ANP32A: variants seen among roughly 807,000 people sequenced by gnomAD.
ANP32A encodes the protein acidic leucine-rich nuclear phosphoprotein 32 family member A.
A neutral mutation model predicts 33.9 loss-of-function variants in ANP32A; 1 was observed. That is an observed-to-expected ratio of 0.03 (90% CI 0.01 to 0.14). The LOEUF (loss-of-function observed/expected upper bound fraction) is 0.14. Among genes scored for constraint, ANP32A ranks in the 10% least tolerant of loss-of-function variants. ANP32A has a pLI of 1.00. For missense variants in ANP32A, 155 were observed against 306.0 expected, an observed-to-expected ratio of 0.51 and a Z score of 3.68; for synonymous variants, 115 against 120.5, an observed-to-expected ratio of 0.95 and a Z score of 0.30.
chr15:68,785,061 T>G (rs1272054965), intron 3 of ANP32A, among the ~76,000 whole-genome samples: 1 of 152,232 alleles, frequency 6.6e-6, no homozygotes, highest in Admixed American at 6.5e-5. Flanking sequence ...TGGCACTTCA[T>G]GTACTGAGTC....
chr15:68,813,908 C>T (rs561404426), intron 1 of ANP32A, among the ~76,000 whole-genome samples: 58 of 100,528 alleles, frequency 5.8e-4, no homozygotes, highest in Middle Eastern at 0.023. Flanking sequence ...CTCGCTTTGT[C>T]CCCCAGGCCG....
At chr15:68,815,932 T>C (rs1894374196) in intron 1 of ANP32A, among the ~76,000 whole-genome samples, 1 of 152,210 alleles carries the variant, frequency 6.6e-6, no homozygotes, top group East Asian at 1.9e-4. Flanking sequence ...GCCAGTTATG[T>C]TGAGTTTTTT....
intron 3 of ANP32A, among the ~76,000 whole-genome samples, chr15:68,786,688 C>T (rs538876477): frequency 6.6e-6 from 1 of 152,292 alleles, no homozygotes; most frequent in Admixed American, 6.5e-5. Flanking sequence ...CAAAGGAATA[C>T]AGCGAATCAG....
chr15:68,809,217 G>A (rs1260153605), intron 1 of ANP32A, among the ~76,000 whole-genome samples: 3 of 152,104 alleles, frequency 2.0e-5, no homozygotes, highest in South Asian at 2.1e-4. Context: ...CAAGGATCTC[G>A]GGCAAGCTAG....
chr15:68,785,980 T>C (rs962584797), intron 3 of ANP32A, among the ~76,000 whole-genome samples: 6 of 152,208 alleles, frequency 3.9e-5, no homozygotes, highest in African/African-American at 1.4e-4. Flanking sequence ...AAGCACATTC[T>C]ACTAGTTGGC....
At chr15:68,799,059 G>A (rs1344269215) in intron 1 of ANP32A, among the ~76,000 whole-genome samples, 1 of 152,230 alleles carries the variant, frequency 6.6e-6, no homozygotes, top group Non-Finnish European at 1.5e-5. Flanking sequence ...TTTAACATTA[G>A]TTATTTCTCC....
At chr15:68,797,086 C>T (rs1241207880) in intron 1 of ANP32A, among the ~76,000 whole-genome samples, 1 of 152,050 alleles carries the variant, frequency 6.6e-6, no homozygotes, top group Non-Finnish European at 1.5e-5. Context: ...ATCAGCACCC[C>T]CAAAATAAGT....
At chr15:68,818,931 C>T (rs1387691749) in intron 1 of ANP32A, among the ~76,000 whole-genome samples, 3 of 151,716 alleles carry the variant, frequency 2.0e-5, no homozygotes, top group Non-Finnish European at 2.9e-5. Flanking sequence ...TGCGCGGAAA[C>T]TCCGGCCTCC....
At position 68,779,971 on chromosome 15, in the gene ANP32A, A is replaced by C. The variant is rs1478798815; in HGVS notation, c.*110T>G. 4 of 974,892 alleles carry C rather than the reference A, an allele frequency of 4.1e-6. No homozygotes were observed. The highest frequency in any genetic ancestry group is 4.5e-6 in the Non-Finnish European group (3 of 663,424). The allele number at this position is 974,892 out of a possible 1,614,324, so 60.4% of individuals were successfully genotyped here. Reference sequence around the variant, plus strand: ...CCTCTCGTTCCCACAGCAACGTTACAATCAGAAAAAAATAAGTTTCAGGGG... The same window carrying C: ...CCTCTCGTTCCCACAGCAACGTTACCATCAGAAAAAAATAAGTTTCAGGGG... On this transcript the variant is annotated 3_prime_UTR_variant, in exon 7 of 7. Transcript: ENST00000465139.
intron 1 of ANP32A, among the ~76,000 whole-genome samples, chr15:68,810,268 G>A (rs1037143991): frequency 6.6e-6 from 1 of 152,218 alleles, no homozygotes; most frequent in Non-Finnish European, 1.5e-5. Context: ...CATTACATGT[G>A]TGTTTTGATA....
In ANP32A at chr15:68,780,667, C is replaced by T; in HGVS notation, c.625-194G>A. 1.1e-6 allele frequency: 1 copy of T among 926,816 alleles called. No individual in the cohort carries two copies. The highest frequency in any genetic ancestry group is 2.1e-5 in the South Asian group (1 of 47,290). The allele number at this position is 926,816 out of a possible 1,614,324, so 57.4% of individuals were successfully genotyped here. ...GATCAAGGACTCATTGGGAAATCTG[C>T]AGAAAGCTTTGAACTCCTTCTCCAG... On this transcript the variant is annotated intron_variant, in intron 5 of 6. Transcript: ENST00000465139. The surrounding 1 kb of genome is among the most constrained non-coding windows in gnomAD (Gnocchi z 4.3).
At chr15:68,819,642 C>G (rs1894443019) in intron 1 of ANP32A, among the ~76,000 whole-genome samples, 1 of 152,206 alleles carries the variant, frequency 6.6e-6, no homozygotes, top group Non-Finnish European at 1.5e-5. Flanking sequence ...GAATGGCTGC[C>G]GACAAGCCCA....
At chr15:68,815,771 T>C (rs1894372301) in intron 1 of ANP32A, among the ~76,000 whole-genome samples, 1 of 152,226 alleles carries the variant, frequency 6.6e-6, no homozygotes, top group East Asian at 1.9e-4. Flanking sequence ...CACCTACCAG[T>C]TGCTCAACCT....
Position 68,782,930 on chromosome 15 carries a change from G to A in ANP32A, c.624+26C>T, listed in dbSNP as rs1168867671. On this transcript the variant is annotated intron_variant, in intron 5 of 6. Coordinates refer to ENST00000465139, the MANE Select transcript of ANP32A (RefSeq NM_006305.4). ...GGACTGCCTCAAAGGGGCAGACGGT[G>A]GCCCTGCCCAGCCCAGCCTCCTTAC... 9 of 1,550,726 alleles carry A rather than the reference G, an allele frequency of 5.8e-6. No individual in the cohort carries two copies. In the South Asian group the frequency reaches 9.5e-5, roughly 16 times the overall value.
chr15:68,810,661 C>G (rs1398245665), intron 1 of ANP32A, among the ~76,000 whole-genome samples: 1 of 152,180 alleles, frequency 6.6e-6, no homozygotes, highest in African/African-American at 2.4e-5. Flanking sequence ...TAAGTCAATA[C>G]TTCATGGCTA....
intron 1 of ANP32A, among the ~76,000 whole-genome samples, chr15:68,805,445 C>T (rs1000926085): frequency 6.6e-6 from 1 of 152,188 alleles, no homozygotes; most frequent in African/African-American, 2.4e-5. Flanking sequence ...TTAATAAATG[C>T]AATTTGGAAG....
intron 1 of ANP32A, among the ~76,000 whole-genome samples, chr15:68,820,208 G>A (rs1894452673): frequency 6.6e-6 from 1 of 152,150 alleles, no homozygotes; most frequent in Admixed American, 6.5e-5. Context: ...GAGAGAAAGG[G>A]AGGGGGGAGG....
chr15:68,780,601 TC>T lies in ANP32A; in HGVS notation c.625-129del. ...TCAGAGCCCCCACCAAGACTTGACA[TC>T]TCGGGAGGAATGTAAAGCAGAGGTT... On this transcript the variant is annotated intron_variant, in intron 5 of 6. Coordinates refer to ENST00000465139, the MANE Select transcript of ANP32A (RefSeq NM_006305.4). This position sits in a 1 kb window ranked among gnomAD's most constrained non-coding sequence, Gnocchi z 4.3. The T allele has an allele frequency of 1.4e-6, 2 of 1,449,198 alleles. No homozygotes were observed. Among genetic ancestry groups the T allele is most frequent in the Non-Finnish European group, 1.8e-6 (2 of 1,093,338 alleles). 89.8% of individuals were successfully genotyped at this position (1,449,198 alleles called of 1,614,324 possible). A position where few individuals can be genotyped will look rare whatever the true frequency, so the allele number is the denominator to read the frequency against.
chr15:68,802,207 C>T (rs556738581), intron 1 of ANP32A, among the ~76,000 whole-genome samples: 35 of 152,078 alleles, frequency 2.3e-4, no homozygotes, highest in African/African-American at 8.0e-4. Context: ...GGTTTTAAAA[C>T]CAAAATATAT....
Sources: allele counts gnomAD v4.1 joint callset (sites outside exome capture counted in the v4.1 genomes callset), GRCh38; gene constraint gnomAD v4.1.1; non-coding constraint Gnocchi (gnomAD v3.1); transcripts MANE v1.5; gene names NCBI Gene and HGNC (gene_info 2026-07-23, HGNC 2026-07-21).